The following HNF4G variants were observed in gnomAD, a reference collection of about 807,000 sequenced individuals.
HNF4G encodes hepatocyte nuclear factor 4 gamma, also known as hepatocyte nuclear factor 4-gamma.
In HNF4G, 21 loss-of-function variants were observed where a neutral mutation model predicts 50.9. The observed-to-expected ratio is 0.41, with a 90% CI of 0.29 to 0.59. The LOEUF is 0.59. HNF4G is among the 20% of genes least tolerant of loss of function. HNF4G has a pLI of 0.26. For synonymous variants in HNF4G, 198 were observed against 185.6 expected, an observed-to-expected ratio of 1.07 and a Z score of -0.54; for missense variants, 527 against 559.4, an observed-to-expected ratio of 0.94 and a Z score of 0.58.
At chr8:75,489,931 C>G (rs575617629) in intron 1 of HNF4G, among the ~76,000 whole-genome samples, 14 of 152,284 alleles carry the variant, frequency 9.2e-5, no homozygotes, top group African/African-American at 3.1e-4. Context: ...TAAACCATTC[C>G]AAAATCACAT....
intron 1 of HNF4G, among the ~76,000 whole-genome samples, chr8:75,411,612 A>T (rs1180372521): frequency 6.6e-6 from 1 of 152,180 alleles, no homozygotes; most frequent in Non-Finnish European, 1.5e-5. Flanking sequence ...GGTTTCCTGG[A>T]AAACGAATAG....
At chr8:75,499,253 G>A (rs1007405639) in intron 2 of HNF4G, among the ~76,000 whole-genome samples, 4 of 151,876 alleles carry the variant, frequency 2.6e-5, no homozygotes, top group African/African-American at 9.7e-5. Flanking sequence ...CAGTCAGAAG[G>A]TGAAATAAGA....
At position 75,547,676 on chromosome 8, in the gene HNF4G, AAG is replaced by A; in HGVS notation, c.379_380del (p.Glu127SerfsTer5). 6.5e-7 allele frequency: 1 copy of A among 1,542,258 alleles called. No homozygotes were observed. The highest frequency in any genetic ancestry group is 1.1e-5 in the South Asian group (1 of 89,612). ...AAGTGTTTTAGAGCGGGAATGAAAA[AAG>A]AAGGTAATAATAATGATGATGATAA... On this transcript the variant is annotated frameshift_variant, in exon 3 of 10. Transcript: ENST00000396423. LOFTEE classifies it high-confidence loss of function.
At chr8:75,548,971 C>T (rs1480258831) in intron 3 of HNF4G, among the ~76,000 whole-genome samples, 1 of 152,122 alleles carries the variant, frequency 6.6e-6, no homozygotes, top group East Asian at 1.9e-4. Context: ...TCATAGGAAG[C>T]TCTATTTGGC....
At chr8:75,477,166 T>A (rs1309062324) in intron 1 of HNF4G, among the ~76,000 whole-genome samples, 1 of 152,210 alleles carries the variant, frequency 6.6e-6, no homozygotes, top group Non-Finnish European at 1.5e-5. Context: ...TTCAAGAGTC[T>A]GAAATATTTT....
At chr8:75,504,424 G>C (rs1436715188) in intron 2 of HNF4G, among the ~76,000 whole-genome samples, 1 of 152,032 alleles carries the variant, frequency 6.6e-6, no homozygotes, top group African/African-American at 2.4e-5. Flanking sequence ...TCTTAAAACT[G>C]GGATTACTAG....
At chr8:75,457,628 A>G (rs1402261928) in intron 1 of HNF4G, among the ~76,000 whole-genome samples, 1 of 152,110 alleles carries the variant, frequency 6.6e-6, no homozygotes, top group Non-Finnish European at 1.5e-5. Context: ...TTGGAGCCTG[A>G]CATGCTGCAG....
chr8:75,451,776 T>C (rs1248857787), intron 1 of HNF4G, among the ~76,000 whole-genome samples: 1 of 152,218 alleles, frequency 6.6e-6, no homozygotes, highest in East Asian at 1.9e-4. Flanking sequence ...TCAAGTAGTG[T>C]GATGCCTCCA....
chr8:75,435,477 A>G (rs969120043), intron 1 of HNF4G, among the ~76,000 whole-genome samples: 1 of 152,248 alleles, frequency 6.6e-6, no homozygotes, highest in Non-Finnish European at 1.5e-5. Flanking sequence ...TAAAATCCAG[A>G]GTAAATCAAT....
intron 9 of HNF4G, among the ~76,000 whole-genome samples, chr8:75,562,557 A>G (rs2138115): frequency 0.096 from 14,659 of 152,158 alleles, 990 homozygotes; most frequent in African/African-American, 0.19. Flanking sequence ...AAACTCACAA[A>G]ATAAAACACA....
At chr8:75,490,850 A>T (rs1297815691) in intron 2 of HNF4G, among the ~76,000 whole-genome samples, 1 of 152,248 alleles carries the variant, frequency 6.6e-6, no homozygotes, top group Non-Finnish European at 1.5e-5. Flanking sequence ...ATATACTCAC[A>T]TATAAAATAC....
intron 2 of HNF4G, among the ~76,000 whole-genome samples, chr8:75,518,173 G>GTTC (rs1227236470): frequency 1.6e-5 from 2 of 123,062 alleles, no homozygotes; most frequent in African/African-American, 6.5e-5. Flanking sequence ...GGTGTGTGAT[G>GTTC]TTCCCCTTCC....
Position 75,553,096 on chromosome 8 carries a change from A to C in HNF4G, c.544A>C (p.Ser182Arg). Residue 182 changes from serine to arginine, a missense_variant, in exon 5 of 10, where the codon AGT becomes CGT. Around this residue, in one of 5 missense-constraint regions of HNF4G, gnomAD observed 128 missense variants for 135.3 expected, o/e 0.95. Transcript: ENST00000396423. ...STDINVKKIA[S>R]IGDVCESMKQ... ...TGACATAAACGTTAAGAAAATTGCA[A>C]GTATTGGTGATGTCTGTGAATCTAT... The C allele has an allele frequency of 6.2e-7, 1 of 1,612,754 alleles. No homozygotes were observed. Among genetic ancestry groups the C allele is most frequent in the Non-Finnish European group, 8.5e-7 (1 of 1,179,044 alleles).
At chr8:75,519,156 A>T (rs1732086829) in intron 2 of HNF4G, among the ~76,000 whole-genome samples, 1 of 152,216 alleles carries the variant, frequency 6.6e-6, no homozygotes, top group Non-Finnish European at 1.5e-5. Context: ...AAATGCCACC[A>T]GTCTCTTTGC....
intron 1 of HNF4G, among the ~76,000 whole-genome samples, chr8:75,458,784 CAT>C (rs903102687): frequency 2.0e-4 from 30 of 152,210 alleles, no homozygotes; most frequent in South Asian, 1.0e-3. Context: ...GTTTTCATCT[CAT>C]GTGTGTTTTT....
At chr8:75,546,714 T>G (rs1440852805) in intron 2 of HNF4G, among the ~76,000 whole-genome samples, 1 of 152,178 alleles carries the variant, frequency 6.6e-6, no homozygotes, top group Non-Finnish European at 1.5e-5. Context: ...TCTTATTTAC[T>G]GACAAATAAT....
chr8:75,510,215 T>G (rs990557673), intron 2 of HNF4G, among the ~76,000 whole-genome samples: 1 of 152,136 alleles, frequency 6.6e-6, no homozygotes, highest in African/African-American at 2.4e-5. Context: ...ATAGAAAATG[T>G]TTATAGAATA....
intron 1 of HNF4G, among the ~76,000 whole-genome samples, chr8:75,444,931 A>C (rs1480783281): frequency 1.4e-5 from 2 of 142,226 alleles, no homozygotes; most frequent in African/African-American, 5.5e-5. Context: ...AAGCGGACCT[A>C]ATAGACATCT....
chr8:75,565,797 T>A lies in HNF4G; in HGVS notation c.*1701T>A, dbSNP rs1322193258. Reference sequence around the variant, plus strand: ...GGTTAATATCAAGTAACTTATTAGCTCTTAAAGTAAAATTGAACTTATTAA... The same window carrying A: ...GGTTAATATCAAGTAACTTATTAGCACTTAAAGTAAAATTGAACTTATTAA... On this transcript the variant is annotated 3_prime_UTR_variant, in exon 10 of 10. Coordinates refer to ENST00000396423, the MANE Select transcript of HNF4G (RefSeq NM_004133.5). 6.6e-6 allele frequency: 1 copy of A among 152,172 alleles called. No homozygotes were observed. The highest frequency in any genetic ancestry group is 1.5e-5 in the Non-Finnish European group (1 of 68,026). 9.4% of individuals were successfully genotyped at this position (152,172 alleles called of 1,614,324 possible). A position where few individuals can be genotyped will look rare whatever the true frequency, so the allele number is the denominator to read the frequency against.
Sources: allele counts gnomAD v4.1 joint callset (sites outside exome capture counted in the v4.1 genomes callset), GRCh38; gene constraint gnomAD v4.1.1; regional missense constraint gnomAD v4.1.1; transcripts MANE v1.5; gene names NCBI Gene and HGNC (gene_info 2026-07-23, HGNC 2026-07-21).